Variants in E2F2 observed in about 807,000 individuals in gnomAD.
E2F2 encodes the protein E2F transcription factor 2.
In E2F2, 22 loss-of-function variants were observed where a neutral mutation model predicts 42.2. That is an observed-to-expected ratio of 0.52 (90% CI 0.37 to 0.74). The LOEUF (loss-of-function observed/expected upper bound fraction) is 0.74. Among genes scored for constraint, E2F2 ranks in the 30% least tolerant of loss-of-function variants. The pLI is 0.00. For synonymous variants in E2F2, 248 were observed against 251.6 expected (o/e 0.99, Z 0.13); for missense variants, 481 against 557.8 (o/e 0.86, Z 1.39).
chr1:23,525,405 T>C (rs1048141006), intron 1 of E2F2, among the ~76,000 whole-genome samples: 1 of 152,178 alleles, frequency 6.6e-6, no homozygotes, highest in African/African-American at 2.4e-5. Flanking sequence ...CACTGGGACA[T>C]AGGTCAGAGA....
chr1:23,506,125 G>T (rs551135256), downstream of E2F2, among the ~76,000 whole-genome samples: 2 of 152,318 alleles, frequency 1.3e-5, no homozygotes, highest in South Asian at 4.1e-4. Context: ...GAGGACTACA[G>T]TTGGACCCAC....
chr1:23,526,468 G>A (rs1395342641), intron 1 of E2F2, among the ~76,000 whole-genome samples: 1 of 152,068 alleles, frequency 6.6e-6, no homozygotes, highest in Admixed American at 6.6e-5. Context: ...GGAAGCTCAG[G>A]TGGAGTTCTA....
chr1:23,526,205 T>C (rs1643247835), intron 1 of E2F2, among the ~76,000 whole-genome samples: 1 of 152,114 alleles, frequency 6.6e-6, no homozygotes. Flanking sequence ...TGAAATCCTA[T>C]ATTCTAGAGA....
chr1:23,524,447 G>A lies in E2F2; in HGVS notation c.294C>T (p.Val98=), dbSNP rs140433167. ...KLDLEGIGRP[V]VPEFPTPKGK... Reference sequence around the variant, plus strand: ...CCTTGGGGGTTGGGAACTCAGGGACGACGGGCCTCCCAATCCCCTCCAGAT... The same window carrying A: ...CCTTGGGGGTTGGGAACTCAGGGACAACGGGCCTCCCAATCCCCTCCAGAT... Residue 98 remains valine, a synonymous_variant, in exon 2 of 7, where the codon GTC becomes GTT. Coordinates refer to ENST00000361729, the MANE Select transcript of E2F2 (RefSeq NM_004091.4). 177 of 1,613,612 alleles carry A rather than the reference G, an allele frequency of 1.1e-4. 1 individual carries two copies. The East Asian group carries it at 3.5e-3, about 32-fold the overall frequency.
intron 5 of E2F2, among the ~76,000 whole-genome samples, chr1:23,518,569 G>A (rs1337517414): frequency 6.6e-6 from 1 of 152,130 alleles, no homozygotes; most frequent in Non-Finnish European, 1.5e-5. Context: ...ACAGGTCAGT[G>A]TGGCCAAAAC....
intron 4 of E2F2, among the ~76,000 whole-genome samples, chr1:23,519,647 C>T (rs576444268): frequency 2.0e-5 from 3 of 152,286 alleles, no homozygotes; most frequent in South Asian, 4.1e-4. Flanking sequence ...TAAAGATATT[C>T]GGCCGAACGC....
chr1:23,526,851 GCACACA>G (rs3221150), intron 1 of E2F2, among the ~76,000 whole-genome samples: 62 of 148,828 alleles, frequency 4.2e-4, no homozygotes, highest in Middle Eastern at 6.9e-3. Flanking sequence ...GCATGTACTT[GCACACA>G]CACACACACA....
downstream of E2F2, among the ~76,000 whole-genome samples, chr1:23,505,886 C>T (rs755881806): frequency 1.1e-4 from 17 of 152,060 alleles, no homozygotes; most frequent in Middle Eastern, 3.2e-3. Flanking sequence ...TCCTCTGCCT[C>T]CTGGGTTCAA....
chr1:23,524,536 C>T, intron 1 of E2F2, 48 bp from the exon 2 acceptor site: 1 of 1,568,636 alleles, frequency 6.4e-7, no homozygotes. Flanking sequence ...ATCATTCCTC[C>T]TTTAGCCTTT....
chr1:23,516,636 A>C (rs1344010549), intron 5 of E2F2, 109 bp from the exon 6 acceptor site: 3 of 875,122 alleles, frequency 3.4e-6, no homozygotes, highest in Non-Finnish European at 5.1e-6. Context: ...GCAAGCTCAA[A>C]CCCTGGGCTG....
chr1:23,510,275 TGC>T, intron 6 of E2F2, 127 bp from the exon 7 acceptor site: 1 of 1,405,974 alleles, frequency 7.1e-7, no homozygotes, highest in Non-Finnish European at 9.3e-7. Context: ...TGGACTGTCG[TGC>T]TCTCAAAATC....
Position 23,521,034 on chromosome 1 carries a change from T to C in E2F2, c.616A>G (p.Lys206Glu). The C allele has an allele frequency of 1.2e-6, 2 of 1,613,482 alleles. No homozygotes were observed. The highest frequency in any genetic ancestry group is 1.7e-6 in the Non-Finnish European group (2 of 1,179,680). Reference protein sequence around the residue: ...GMFEDPTRPGKQQQLGQELKE... With the variant: ...GMFEDPTRPGEQQQLGQELKE... ...AGCTCCTGCCCCAGCTGTTGCTGCT[T>C]CCCAGGTCTGGTGGGGTCTTCAAAC... The change falls in exon 4 of 7, where the codon AAG becomes GAG. Residue 206 changes from lysine to glutamate, a missense_variant. Transcript: ENST00000361729.
At chr1:23,516,828 T>C (rs909968313) in intron 5 of E2F2, among the ~76,000 whole-genome samples, 1 of 134,918 alleles carries the variant, frequency 7.4e-6, no homozygotes, top group Non-Finnish European at 1.6e-5. Flanking sequence ...CCTTCCCCAA[T>C]GCCAGTGGGT....
At chr1:23,520,243 CAAAAAAAAAAAAAAAAAAAAA>C (rs66460864) in intron 4 of E2F2, among the ~76,000 whole-genome samples, 5 of 78,888 alleles carry the variant, frequency 6.3e-5, no homozygotes, top group Non-Finnish European at 6.6e-5. Flanking sequence ...GACTCTGTCT[CAAAAAAAAAAAAAAAAAAAAA>C]AAAAAAAAAA....
chr1:23,526,085 T>C (rs1311400357), intron 1 of E2F2, among the ~76,000 whole-genome samples: 1 of 152,096 alleles, frequency 6.6e-6, no homozygotes, highest in African/African-American at 2.4e-5. Context: ...GGAGCCTGGA[T>C]ATAACACTCT....
rs1043680150 is a variant in E2F2, at chr1:23,530,465, T to C, written c.252+77A>G. 3.8e-6 allele frequency: 6 copies of C among 1,560,492 alleles called. No homozygotes were observed. The African/African-American group carries it at 8.1e-5, about 21-fold the overall frequency. ...AAAACTCTACCTGCTCCACTCAAAC[T>C]GGATCTCAGGCACCCCTCCCTCCTT... On this transcript the variant is annotated intron_variant, in intron 1 of 6. Transcript: ENST00000361729. This position sits in a 1 kb window ranked among gnomAD's most constrained non-coding sequence, Gnocchi z 4.4.
In E2F2 at chr1:23,509,524, T is replaced by C. The variant is rs1642865540; in HGVS notation, c.*356A>G. Reference sequence around the variant, plus strand: ...AAATAAATACAAAGGCATTATGTGCTTCTTGGTACGTCGAGGGTCCTAATT... The same window carrying C: ...AAATAAATACAAAGGCATTATGTGCCTCTTGGTACGTCGAGGGTCCTAATT... On this transcript the variant is annotated 3_prime_UTR_variant, in exon 7 of 7. Coordinates refer to ENST00000361729, the MANE Select transcript of E2F2 (RefSeq NM_004091.4). 1 of 198,868 alleles carries C rather than the reference T, an allele frequency of 5.0e-6. No homozygotes were observed. The highest frequency in any genetic ancestry group is 2.3e-5 in the African/African-American group (1 of 43,328). 12.3% of individuals were successfully genotyped at this position (198,868 alleles called of 1,614,324 possible).
In E2F2 at chr1:23,530,488, C is replaced by T. The variant is rs1202808846; in HGVS notation, c.252+54G>A. 1.9e-6 allele frequency: 3 copies of T among 1,595,448 alleles called. No individual in the cohort carries two copies. The African/African-American group carries it at 4.0e-5, about 21-fold the overall frequency. On this transcript the variant is annotated intron_variant, in intron 1 of 6. Transcript: ENST00000361729. The surrounding 1 kb of genome is among the most constrained non-coding windows in gnomAD (Gnocchi z 4.4). The stretch of plus-strand genomic sequence containing the variant: ...ACTGGATCTCAGGCACCCCTCCCTC[C>T]TTTCCCACACCTGGAAAAGCATAGG...
chr1:23,519,546 T>G (rs1643094925), intron 4 of E2F2: 1 of 155,084 alleles, frequency 6.4e-6, no homozygotes, highest in Non-Finnish European at 1.4e-5. Context: ...TGAAAGAGCC[T>G]TAGCAAAGTC....
Sources: gnomAD v4.1 joint callset for allele counts (sites outside exome capture counted in the v4.1 genomes callset) on GRCh38, gnomAD v4.1.1 for gene constraint, Gnocchi (gnomAD v3.1) non-coding constraint, MANE v1.5 for transcripts, NCBI Gene and HGNC (gene_info 2026-07-23, HGNC 2026-07-21) for gene names.